Variants in TNNI1 observed in about 807,000 individuals in gnomAD.
TNNI1 encodes troponin I, slow skeletal muscle.
TNNI1 carries 14 observed loss-of-function variants against 26.7 expected under a neutral mutation model. The ratio of observed to expected loss-of-function variants is 0.52; its 90% CI spans 0.35 to 0.82. TNNI1 has a LOEUF of 0.82. Ranked by LOEUF, TNNI1 falls within the 40% of genes least tolerant of loss-of-function variation. The pLI, the probability that TNNI1 is intolerant of heterozygous loss-of-function variation, is 0.01. For missense variants in TNNI1, 164 were observed against 257.0 expected (o/e 0.64, Z 2.47); for synonymous variants, 79 against 98.2 (o/e 0.80, Z 1.16).
At chr1:201,412,656 G>A (rs1662652527) in intron 6 of TNNI1, among the ~76,000 whole-genome samples, 1 of 152,226 alleles carries the variant, frequency 6.6e-6, no homozygotes, top group Non-Finnish European at 1.5e-5. Flanking sequence ...TCTGCAAGGT[G>A]CAGATAATAG....
chr1:201,410,282 T>G, intron 8 of TNNI1, 44 bp downstream of exon 8: 1 of 1,566,846 alleles, frequency 6.4e-7, no homozygotes, highest in Non-Finnish European at 8.8e-7. Flanking sequence ...CATTATCCTC[T>G]AGACTCTGAT....
intron 1 of TNNI1, among the ~76,000 whole-genome samples, chr1:201,420,194 CG>C (rs990067471): frequency 3.3e-4 from 51 of 152,366 alleles, no homozygotes; most frequent in Middle Eastern, 3.4e-3. Flanking sequence ...TGCCAAGCTC[CG>C]GGGCCTGCCC....
rs1662510544 is a variant in TNNI1 at position 201,406,146 on chromosome 1, A to T, written c.*3107T>A. 6.6e-6 allele frequency: 1 copy of T among 152,116 alleles called. No individual in the cohort carries two copies. The highest frequency in any genetic ancestry group is 1.5e-5 in the Non-Finnish European group (1 of 68,038). 9.4% of individuals were successfully genotyped at this position (152,116 alleles called of 1,614,324 possible). On this transcript the variant is annotated 3_prime_UTR_variant, in exon 9 of 9. Coordinates refer to ENST00000361379, the MANE Select transcript of TNNI1 (RefSeq NM_003281.4). The stretch of plus-strand genomic sequence containing the variant: ...GCCAGTCTGATCTCAGAAAAGGGCA[A>T]CCCCAAGGCAGAGTGACCTGAGATC...
intron 8 of TNNI1, chr1:201,409,898 G>A: frequency 6.4e-6 from 1 of 156,348 alleles, no homozygotes; most frequent in Non-Finnish European, 1.4e-5. Context: ...AGAGATGAAG[G>A]GATCCCAGGG....
chr1:201,417,938 AT>A, intron 1 of TNNI1, 126 bp from the exon 2 acceptor site: 3 of 648,968 alleles, frequency 4.6e-6, no homozygotes, highest in Non-Finnish European at 6.7e-6. Flanking sequence ...GACACATTGG[AT>A]TCCAGCAGGT....
intron 1 of TNNI1, among the ~76,000 whole-genome samples, chr1:201,418,502 C>T (rs1662795706): frequency 6.6e-6 from 1 of 150,820 alleles, no homozygotes; most frequent in African/African-American, 2.4e-5. Context: ...GAGAGTGTAG[C>T]TCACTCATGA....
intron 6 of TNNI1, among the ~76,000 whole-genome samples, chr1:201,412,258 G>T (rs1486957068): frequency 6.6e-6 from 1 of 152,158 alleles, no homozygotes. Flanking sequence ...CTTCAAAGCA[G>T]CTCACAGCCT....
At chr1:201,410,284 G>T in intron 8 of TNNI1, 42 bp downstream of exon 8, 1 of 1,568,356 alleles carries the variant, frequency 6.4e-7, no homozygotes, top group Non-Finnish European at 8.8e-7. Context: ...TTATCCTCTA[G>T]ACTCTGATGG....
rs531447456 is a variant in TNNI1, at chr1:201,408,885, T to G, written c.*368A>C. Reference sequence around the variant, plus strand: ...AATGACCAGGAAACTGGGTTTTTAATGAAGAAGGTGTGATGCCTGTGGACA... The same window carrying G: ...AATGACCAGGAAACTGGGTTTTTAAGGAAGAAGGTGTGATGCCTGTGGACA... On this transcript the variant is annotated 3_prime_UTR_variant, in exon 9 of 9. Transcript: ENST00000361379. 9 of 152,304 alleles carry G rather than the reference T, an allele frequency of 5.9e-5. No homozygotes were observed. The highest frequency in any genetic ancestry group is 2.2e-4 in the African/African-American group (9 of 41,546). The allele number at this position is 152,304 out of a possible 1,614,324, so 9.4% of individuals were successfully genotyped here.
chr1:201,421,166 G>A (rs949845817), intron 1 of TNNI1, among the ~76,000 whole-genome samples: 1 of 152,214 alleles, frequency 6.6e-6, no homozygotes, highest in Non-Finnish European at 1.5e-5. Context: ...GAACACAGAA[G>A]CAAGATGGTT....
intron 3 of TNNI1, among the ~76,000 whole-genome samples, chr1:201,416,728 C>T (rs755004930): frequency 6.6e-6 from 1 of 152,228 alleles, no homozygotes; most frequent in African/African-American, 2.4e-5. Flanking sequence ...TATCCCTTAC[C>T]CTTCCAATAT....
chr1:201,410,455 A>T lies in TNNI1; in HGVS notation c.457-20T>A, dbSNP rs763031567. The T allele has an allele frequency of 6.2e-7, 1 of 1,607,532 alleles. No homozygotes were observed. Among genetic ancestry groups the T allele is most frequent in the South Asian group, 1.1e-5 (1 of 90,874 alleles). On this transcript the variant is annotated intron_variant, in intron 7 of 8. Transcript: ENST00000361379. Reference sequence around the variant, plus strand: ...CCGCTCCTGTAGACAAGTGGCACACACATCAGGGACTTACCAGGCTGGACG... The same window carrying T: ...CCGCTCCTGTAGACAAGTGGCACACTCATCAGGGACTTACCAGGCTGGACG...
At chr1:201,415,089 C>T (rs1662710959) in intron 4 of TNNI1, 124 bp downstream of exon 4, 7 of 881,958 alleles carry the variant, frequency 7.9e-6, no homozygotes, top group South Asian at 1.6e-5. Context: ...TCCTGCCCCT[C>T]ATCATCCTCA....
Position 201,407,802 on chromosome 1 carries a change from T to G in TNNI1, c.*1451A>C, listed in dbSNP as rs1374668986. On this transcript the variant is annotated 3_prime_UTR_variant, in exon 9 of 9. Transcript: ENST00000361379. ...GCTCACACCTGTAATCCCAGAACTT[T>G]GGGAGGCCGAGGTGGGCAGATTACG... is the stretch of plus-strand genomic sequence containing the variant. 1 of 152,088 alleles carries G rather than the reference T, an allele frequency of 6.6e-6. No individual in the cohort carries two copies. Among genetic ancestry groups the G allele is most frequent in the African/African-American group, 2.4e-5 (1 of 41,390 alleles). The allele number at this position is 152,088 out of a possible 1,614,324, so 9.4% of individuals were successfully genotyped here. A position where few individuals can be genotyped will look rare whatever the true frequency, so the allele number is the denominator to read the frequency against.
intron 6 of TNNI1, among the ~76,000 whole-genome samples, chr1:201,412,475 T>C (rs1022972): frequency 0.84 from 127,728 of 152,126 alleles, 53,820 homozygotes; most frequent in Non-Finnish European, 0.88. Context: ...TGTCCTTCTC[T>C]GCTCTGCCCC....
At chr1:201,414,185 G>A (rs981753289) in intron 5 of TNNI1, among the ~76,000 whole-genome samples, 2 of 152,134 alleles carry the variant, frequency 1.3e-5, no homozygotes, top group Non-Finnish European at 2.9e-5. Context: ...TCTAGGAAAG[G>A]GTAGACAAGT....
intron 7 of TNNI1, 130 bp from the exon 8 acceptor site, chr1:201,410,565 AG>A: frequency 2.6e-6 from 2 of 766,250 alleles, no homozygotes; most frequent in Middle Eastern, 3.5e-4. Flanking sequence ...CCAGCTGGTA[AG>A]GTCCTAGGAC....
intron 3 of TNNI1, 79 bp from the exon 4 acceptor site, chr1:201,415,333 GC>G: frequency 6.9e-7 from 1 of 1,442,562 alleles, no homozygotes; most frequent in Non-Finnish European, 9.7e-7. Context: ...CAAGACAAGT[GC>G]CAGCCAGCGT....
chr1:201,413,005 C>T (rs1180578991), intron 6 of TNNI1, 27 bp downstream of exon 6: 1 of 1,611,228 alleles, frequency 6.2e-7, no homozygotes, highest in Non-Finnish European at 8.5e-7. Flanking sequence ...CCATTATGGC[C>T]ATGCCCCTTC....
Sources: gnomAD v4.1 joint callset for allele counts (sites outside exome capture counted in the v4.1 genomes callset) on GRCh38, gnomAD v4.1.1 for gene constraint, MANE v1.5 for transcripts, NCBI Gene and HGNC (gene_info 2026-07-23, HGNC 2026-07-21) for gene names.